The following PTCD3 variants were observed in gnomAD, a reference collection of about 807,000 sequenced individuals.
The protein encoded by PTCD3 is pentatricopeptide repeat domain 3.
Under a neutral mutation model 101.9 loss-of-function variants are expected in PTCD3, and 89 were observed. The observed-to-expected ratio is 0.87, with a 90% CI of 0.74 to 1.04. The LOEUF is 1.04. Among genes scored for constraint, PTCD3 ranks in the 50% least tolerant of loss-of-function variants. The pLI, the probability that PTCD3 is intolerant of heterozygous loss-of-function variation, is 0.00. For missense variants in PTCD3, 870 were observed against 828.2 expected (o/e 1.05, Z -0.62); for synonymous variants, 296 against 278.5 (o/e 1.06, Z -0.63).
chr2:86,115,082 A>G (rs1674155529), intron 4 of PTCD3, among the ~76,000 whole-genome samples: 1 of 152,196 alleles, frequency 6.6e-6, no homozygotes, highest in Non-Finnish European at 1.5e-5. Flanking sequence ...GGCACAAAAC[A>G]CGTTGTACAA....
At chr2:86,115,532 T>G (rs1674162357) in intron 4 of PTCD3, among the ~76,000 whole-genome samples, 1 of 152,154 alleles carries the variant, frequency 6.6e-6, no homozygotes, top group Non-Finnish European at 1.5e-5. Flanking sequence ...AGGTCCAAAA[T>G]AAAACACTGC....
chr2:86,126,651 A>G (rs1307475834), intron 12 of PTCD3, among the ~76,000 whole-genome samples: 9 of 152,130 alleles, frequency 5.9e-5, no homozygotes, highest in Non-Finnish European at 1.2e-4. Context: ...CCTGACTAAC[A>G]TGGTGAAACC....
At chr2:86,134,507 A>T in intron 20 of PTCD3, 130 bp downstream of exon 20, 1 of 737,678 alleles carries the variant, frequency 1.4e-6, no homozygotes, top group Non-Finnish European at 2.3e-6. Flanking sequence ...TGATACATCT[A>T]AACATATCTT....
intron 1 of PTCD3, among the ~76,000 whole-genome samples, chr2:86,108,089 T>A (rs1673998425): frequency 6.6e-6 from 1 of 150,822 alleles, no homozygotes; most frequent in South Asian, 2.1e-4. Context: ...TTGCACTACT[T>A]CACTAAAGGC....
chr2:86,121,407 A>T, intron 7 of PTCD3, 72 bp from the exon 8 acceptor site: 1 of 940,154 alleles, frequency 1.1e-6, no homozygotes. Context: ...AAAAAATGAC[A>T]CATTTTAACC....
In PTCD3 at chr2:86,127,998, A is replaced by G. The variant is rs1044908573; in HGVS notation, c.1147+7A>G. On this transcript the variant is annotated splice_region_variant and intron_variant, in intron 14 of 23. Coordinates refer to ENST00000254630, the MANE Select transcript of PTCD3 (RefSeq NM_017952.6). Reference sequence around the variant, plus strand: ...CGCCTGTTTGATCAACCTGGTATGTATGGCCTTAAATTGTGTTAATTTATA... The same window carrying G: ...CGCCTGTTTGATCAACCTGGTATGTGTGGCCTTAAATTGTGTTAATTTATA... The G allele has an allele frequency of 3.1e-6, 5 of 1,590,100 alleles. No individual in the cohort carries two copies. The highest frequency in any genetic ancestry group is 1.7e-4 in the Middle Eastern group (1 of 6,044).
At chr2:86,118,843 T>A (rs1020797674) in intron 6 of PTCD3, 78 bp from the exon 7 acceptor site, 29 of 1,481,902 alleles carry the variant, frequency 2.0e-5, no homozygotes, top group Admixed American at 6.4e-5. Context: ...ATGTTGGTGA[T>A]AAAAGTTTTG....
chr2:86,121,414 A>T, intron 7 of PTCD3, 65 bp from the exon 8 acceptor site: 1 of 1,022,974 alleles, frequency 9.8e-7, no homozygotes, highest in Non-Finnish European at 1.5e-6. Flanking sequence ...GACACATTTT[A>T]ACCTAACAGG....
Position 86,134,363 on chromosome 2 carries a change from A to G in PTCD3, c.1615A>G (p.Lys539Glu), listed in dbSNP as rs1441903944. Residue 539 changes from lysine to glutamate, a missense_variant, in exon 20 of 24, where the codon AAG (lysine) becomes GAG (glutamate). Transcript: ENST00000254630. ...EEILMLMARD[K>E]HPPELQVAFA... Reference sequence around the variant, plus strand: ...GATCCTGATGCTCATGGCAAGGGACAAGCACCCACCAGAGGTAGGCCTGAA... The same window carrying G: ...GATCCTGATGCTCATGGCAAGGGACGAGCACCCACCAGAGGTAGGCCTGAA... The G allele has an allele frequency of 3.7e-6, 6 of 1,612,414 alleles. No homozygotes were observed. In the South Asian group the frequency reaches 4.4e-5, roughly 12 times the overall value.
chr2:86,128,546 T>C (rs910850743), intron 14 of PTCD3, among the ~76,000 whole-genome samples: 1 of 152,220 alleles, frequency 6.6e-6, no homozygotes, highest in Non-Finnish European at 1.5e-5. Context: ...TCAGTAGCCA[T>C]GTGTCTAGTG....
chr2:86,120,249 G>A (rs986915930), intron 7 of PTCD3, among the ~76,000 whole-genome samples: 2 of 152,106 alleles, frequency 1.3e-5, no homozygotes, highest in South Asian at 2.1e-4. Flanking sequence ...TTATTGGATA[G>A]GTGTGTGCAG....
Position 86,125,229 on chromosome 2 carries a change from A to G in PTCD3, c.804+147A>G, listed in dbSNP as rs141494734. The G allele has an allele frequency of 3.7e-3, 5,043 of 1,350,860 alleles. 13 individuals carry two copies. Among genetic ancestry groups the G allele is most frequent in the Admixed American group, 6.8e-3 (268 of 39,508 alleles). The allele number at this position is 1,350,860 out of a possible 1,614,324, so 83.7% of individuals were successfully genotyped here. On this transcript the variant is annotated intron_variant, in intron 10 of 23. Transcript: ENST00000254630. ...GTTAGTAGCTCCCTGGCTTCTACCC[A>G]CTGGATGTGAGTAGTGTACTCCTCC... is the stretch of plus-strand genomic sequence containing the variant.
chr2:86,112,499 G>C (rs940834191), intron 4 of PTCD3, among the ~76,000 whole-genome samples: 12 of 151,612 alleles, frequency 7.9e-5, no homozygotes, highest in Non-Finnish European at 8.8e-5. Flanking sequence ...TGGTGAACAT[G>C]GTGAAACCCT....
chr2:86,119,857 C>T (rs1573851525), intron 7 of PTCD3, among the ~76,000 whole-genome samples: 1 of 152,170 alleles, frequency 6.6e-6, no homozygotes, highest in East Asian at 1.9e-4. Context: ...TGAATTGGAG[C>T]TGGATGTAAA....
intron 13 of PTCD3, 47 bp downstream of exon 13, chr2:86,127,352 C>T: frequency 6.4e-7 from 1 of 1,567,960 alleles, no homozygotes; most frequent in Non-Finnish European, 8.7e-7. Flanking sequence ...CTGTGCCAGC[C>T]AGAGGTTTCA....
Position 86,108,358 on chromosome 2 carries a change from C to T in PTCD3, c.113C>T (p.Ser38Phe), listed in dbSNP as rs771776163. 1.2e-6 allele frequency: 2 copies of T among 1,608,154 alleles called. No individual in the cohort carries two copies. Among genetic ancestry groups the T allele is most frequent in the Non-Finnish European group, 1.7e-6 (2 of 1,177,878 alleles). Residue 38 changes from serine (S) to phenylalanine (F), a missense_variant, in exon 2 of 24, where the codon TCT (serine) becomes TTT (phenylalanine). Physicochemically the swap from Ser to Phe is radical, Grantham distance 155. Transcript: ENST00000254630. ...CTTTTGTTTTTTTGCAGATTTTATT[C>T]TGGTAGTGCAACCCTCTCAAAGGTT... ...CEQARSCRFY[S>F]GSATLSKVEG...
chr2:86,110,188 A>G (rs761623883), intron 3 of PTCD3, among the ~76,000 whole-genome samples: 2 of 152,260 alleles, frequency 1.3e-5, no homozygotes, highest in Non-Finnish European at 2.9e-5. Context: ...AAATAGGGCA[A>G]TAAAAGATCT....
At chr2:86,122,820 G>T (rs1573853153) in intron 8 of PTCD3, among the ~76,000 whole-genome samples, 4 of 152,294 alleles carry the variant, frequency 2.6e-5, no homozygotes, top group African/African-American at 9.6e-5. Flanking sequence ...CCCTGCTCTG[G>T]TTGGCCCTCT....
chr2:86,117,175 T>C lies in PTCD3; in HGVS notation c.414+16T>C, dbSNP rs772844869. ...TCATATACCGGTAAGGAGAGGTAGT[T>C]ACATTATTTACATAATACTATTTTA... On this transcript the variant is annotated intron_variant, in intron 6 of 23. Coordinates refer to ENST00000254630, the MANE Select transcript of PTCD3 (RefSeq NM_017952.6). 1 of 859,578 alleles carries C rather than the reference T, an allele frequency of 1.2e-6. No homozygotes were observed. Among genetic ancestry groups the C allele is most frequent in the Non-Finnish European group, 2.0e-6 (1 of 505,798 alleles). 53.2% of individuals were successfully genotyped at this position (859,578 alleles called of 1,614,324 possible).
Sources: gnomAD v4.1 joint callset for allele counts (sites outside exome capture counted in the v4.1 genomes callset) on GRCh38, gnomAD v4.1.1 for gene constraint, MANE v1.5 for transcripts, NCBI Gene and HGNC (gene_info 2026-07-23, HGNC 2026-07-21) for gene names.